The following ALG13 variants were observed in gnomAD, a reference collection of about 807,000 sequenced individuals.
ALG13 encodes the protein ALG13 UDP-N-acetylglucosaminyltransferase subunit, also known as UDP-N-acetylglucosamine transferase subunit ALG13.
ALG13 carries 11 observed loss-of-function variants against 87.8 expected under a neutral mutation model. The observed-to-expected ratio is 0.13, with a 90% confidence interval of 0.08 to 0.21. The LOEUF (loss-of-function observed/expected upper bound fraction) is 0.21, where lower values mean the gene tolerates loss of function less well. Ranked by LOEUF, ALG13 falls within the 10% of genes least tolerant of loss-of-function variation. The pLI, the probability that ALG13 is intolerant of heterozygous loss-of-function variation, is 1.00. For missense variants in ALG13, 756 were observed against 866.1 expected, an observed-to-expected ratio of 0.87 and a Z score of 1.60; for synonymous variants, 320 against 306.3, an observed-to-expected ratio of 1.04 and a Z score of -0.47.
At chrX:111,750,061 G>GTCTC (rs1944578572) in intron 24 of ALG13, among the ~76,000 whole-genome samples, 1 of 111,611 alleles carries the variant, frequency 9.0e-6, no homozygotes, top group African/African-American at 3.3e-5. Flanking sequence ...CCACAATCTA[G>GTCTC]TCTCTATTCC....
At chrX:111,736,216 A>G (rs1470714190) in intron 22 of ALG13, among the ~76,000 whole-genome samples, 1 of 111,614 alleles carries the variant, frequency 9.0e-6, no homozygotes, top group Non-Finnish European at 1.9e-5. Flanking sequence ...AGGTGGGAGA[A>G]TCACTTGAGC....
At position 111,731,452 on chromosome X, in the gene ALG13, A is replaced by G. The variant is rs149470968; in HGVS notation, c.2457+872A>G. On this transcript the variant is annotated intron_variant, in intron 21 of 26. Transcript: ENST00000394780. ...CGTTGTAAGGGCCCCCAACATACTC[A>G]TGGGACTCTTCCCTGGAGGAACTCT... Among the ~76,000 whole-genome samples, 656 of 111,898 alleles carry G rather than the reference A, an allele frequency of 5.9e-3. 4 individuals are homozygous for G. Among genetic ancestry groups the G allele is most frequent in the African/African-American group, 0.02 (618 of 30,825 alleles).
chrX:111,688,637 G>A, intron 3 of ALG13: 2 of 749,902 alleles, frequency 2.7e-6, no homozygotes, highest in Non-Finnish European at 3.1e-6. Flanking sequence ...GGTTTGAGAA[G>A]AATAATCAAA....
In ALG13 at chrX:111,726,732, A is replaced by G. The variant is rs1208445387; in HGVS notation, c.1730-77A>G. ...GGGGAAGCATTGGAAAGTTTAAGGC[A>G]GTGTGGTGGTGACAGTACACTGGGC... On this transcript the variant is annotated intron_variant, in intron 15 of 26. Coordinates refer to ENST00000394780, the MANE Select transcript of ALG13 (RefSeq NM_001099922.3). The G allele has an allele frequency of 2.7e-6, 3 of 1,104,292 alleles. No individual in the cohort carries two copies. The African/African-American group carries it at 5.4e-5, about 20-fold the overall frequency. 91.0% of individuals were successfully genotyped at this position (1,104,292 alleles called of 1,213,427 possible).
chrX:111,704,860 C>T (rs1199274270), intron 3 of ALG13, among the ~76,000 whole-genome samples: 1 of 111,556 alleles, frequency 9.0e-6, no homozygotes, highest in Non-Finnish European at 1.9e-5. Context: ...TTAAATTTAC[C>T]AGTTTTAAGA....
rs1943149395 is a variant in ALG13 at position 111,735,539 on chromosome X, A to G, written c.2529+417A>G. ...AAGGAAGAGATTGAGAAGGGCATCT[A>G]GAACAGAGCCCATGGATTATCAAAT... On this transcript the variant is annotated intron_variant, in intron 22 of 26. Transcript: ENST00000394780. 2.7e-5 allele frequency among the ~76,000 whole-genome samples: 3 copies of G among 111,605 alleles called. No individual in the cohort carries two copies. In the South Asian group the frequency reaches 1.1e-3, roughly 42 times the overall value.
intron 11 of ALG13, among the ~76,000 whole-genome samples, chrX:111,720,461 T>C (rs1262099076): frequency 8.9e-6 from 1 of 112,186 alleles, no homozygotes; most frequent in Non-Finnish European, 1.9e-5. Context: ...TAGTTTGTAA[T>C]CAGTCTTCTG....
intron 3 of ALG13, among the ~76,000 whole-genome samples, chrX:111,700,751 A>AT (rs772630509): frequency 0.14 from 7,194 of 50,676 alleles, 1,045 homozygotes; most frequent in African/African-American, 0.39. Flanking sequence ...TAATTTTTGT[A>AT]TTTTTTTTTT....
intron 15 of ALG13, among the ~76,000 whole-genome samples, chrX:111,726,584 A>G (rs1440102807): frequency 9.0e-6 from 1 of 110,925 alleles, no homozygotes; most frequent in East Asian, 2.8e-4. Context: ...TGCTGGGGAT[A>G]GTGCCGAGAT....
At chrX:111,749,486 A>G (rs1944522803) in intron 24 of ALG13, among the ~76,000 whole-genome samples, 1 of 108,348 alleles carries the variant, frequency 9.2e-6, no homozygotes, top group Admixed American at 9.9e-5. Context: ...TGTCTCTTAC[A>G]CTATCAAATT....
Position 111,721,716 on chromosome X carries a change from A to T in ALG13, c.1435+5A>T, listed in dbSNP as rs5985638. Reference sequence around the variant, plus strand: ...TTTGGTTGGACAGCAGAAAAGGTAAAGAAATATCAACAGGATACTTTTGAA... The same window carrying T: ...TTTGGTTGGACAGCAGAAAAGGTAATGAAATATCAACAGGATACTTTTGAA... On this transcript the variant is annotated splice_donor_5th_base_variant and intron_variant, in intron 12 of 26. Transcript: ENST00000394780. 58,633 of 1,124,822 alleles carry T rather than the reference A, an allele frequency of 0.052. 15,526 individuals carry two copies. The African/African-American group carries it at 0.85, about 16-fold the overall frequency. The allele number at this position is 1,124,822 out of a possible 1,213,427, so 92.7% of individuals were successfully genotyped here. A position where few individuals can be genotyped will look rare whatever the true frequency, so the allele number is the denominator to read the frequency against.
chrX:111,708,452 T>A, intron 4 of ALG13, 59 bp downstream of exon 4: 1 of 1,133,566 alleles, frequency 8.8e-7, no homozygotes, highest in Non-Finnish European at 1.2e-6. Flanking sequence ...CATGGGATGG[T>A]CCTGTAGTTT....
chrX:111,731,194 A>G (rs1021669843), intron 21 of ALG13, among the ~76,000 whole-genome samples: 16 of 112,135 alleles, frequency 1.4e-4, no homozygotes, highest in African/African-American at 5.2e-4. Context: ...TGTCCCATTC[A>G]GTGTAATCAA....
rs1446370125 is a variant in ALG13 at position 111,681,239 on chromosome X, C to A, written c.21C>A (p.Thr7=). The A allele has an allele frequency of 8.3e-7, 1 of 1,210,934 alleles. No homozygotes were observed. Residue 7 remains threonine (T), a synonymous_variant, in exon 1 of 27, where the codon ACC becomes ACA. Transcript: ENST00000394780. The part of the protein sequence containing the change: MKCVFV[T]VGTTSFDDLI... ...GCGCCATGAAGTGCGTGTTTGTTAC[C>A]GTAGGGACCACCAGCTTTGACGACC... is the stretch of plus-strand genomic sequence containing the variant.
intron 8 of ALG13, among the ~76,000 whole-genome samples, chrX:111,714,013 A>G (rs1020249790): frequency 1.2e-4 from 13 of 112,008 alleles, no homozygotes; most frequent in African/African-American, 3.2e-4. Context: ...ATGGAACACA[A>G]TTTAGACACA....
chrX:111,733,116 TA>T (rs954990052), intron 21 of ALG13, among the ~76,000 whole-genome samples: 5 of 110,243 alleles, frequency 4.5e-5, no homozygotes, highest in East Asian at 2.8e-4. Context: ...CAGCATACAT[TA>T]AAAAAAAACT....
At chrX:111,752,694 G>T in intron 24 of ALG13, 96 bp from the exon 25 acceptor site, 5 of 585,292 alleles carry the variant, frequency 8.5e-6, no homozygotes, top group Non-Finnish European at 1.4e-5. Context: ...GGGATTACAG[G>T]CATGAGCCAC....
chrX:111,750,850 G>A (rs2148456864), intron 24 of ALG13, among the ~76,000 whole-genome samples: 1 of 108,408 alleles, frequency 9.2e-6, no homozygotes, highest in South Asian at 4.0e-4. Context: ...TGTATTTTTA[G>A]TAGAGATGGA....
intron 24 of ALG13, among the ~76,000 whole-genome samples, chrX:111,751,362 C>T (rs947742199): frequency 1.4e-4 from 16 of 111,954 alleles, no homozygotes; most frequent in African/African-American, 3.6e-4. Flanking sequence ...CCACCACGCC[C>T]GGCCATAAGC....
Sources: allele counts gnomAD v4.1 joint callset (sites outside exome capture counted in the v4.1 genomes callset), GRCh38; gene constraint gnomAD v4.1.1; transcripts MANE v1.5; gene names NCBI Gene and HGNC (gene_info 2026-07-23, HGNC 2026-07-21).